ST6GALNAC3: variants seen among roughly 807,000 people sequenced by gnomAD.
ST6GALNAC3 encodes ST6 N-acetylgalactosaminide alpha-2,6-sialyltransferase 3.
Under a neutral mutation model 32.7 loss-of-function variants are expected in ST6GALNAC3, and 25 were observed. The ratio of observed to expected loss-of-function variants is 0.76; its 90% CI spans 0.56 to 1.07. The LOEUF is 1.07. Among genes scored for constraint, ST6GALNAC3 ranks in the 50% least tolerant of loss-of-function variants. The pLI, the probability that ST6GALNAC3 is intolerant of heterozygous loss-of-function variation, is 0.00. For missense variants in ST6GALNAC3, 355 were observed against 382.4 expected (o/e 0.93, Z 0.60); for synonymous variants, 129 against 133.1 (o/e 0.97, Z 0.21).
chr1:76,409,072 A>G (rs928252160), intron 2 of ST6GALNAC3, among the ~76,000 whole-genome samples: 9 of 152,146 alleles, frequency 5.9e-5, no homozygotes, highest in African/African-American at 2.2e-4. Context: ...AGGTTGAGGA[A>G]GGGTCTTAAA....
chr1:76,177,183 T>C (rs993709891), intron 1 of ST6GALNAC3, among the ~76,000 whole-genome samples: 1 of 152,226 alleles, frequency 6.6e-6, no homozygotes, highest in Non-Finnish European at 1.5e-5. Flanking sequence ...AAAAGTCTTT[T>C]AAGAGCCTTT....
At chr1:76,372,740 C>T (rs115390429) in intron 2 of ST6GALNAC3, among the ~76,000 whole-genome samples, 22 of 152,168 alleles carry the variant, frequency 1.4e-4, no homozygotes, top group Non-Finnish European at 2.9e-4. Flanking sequence ...TTCATCTTCT[C>T]CTATTATTTT....
chr1:76,366,275 T>G (rs1464816340), intron 2 of ST6GALNAC3, among the ~76,000 whole-genome samples: 1 of 152,176 alleles, frequency 6.6e-6, no homozygotes, highest in Admixed American at 6.5e-5. Flanking sequence ...GATCTTCTTT[T>G]AGAAACCTGA....
chr1:76,496,683 G>A (rs940252707), intron 3 of ST6GALNAC3, among the ~76,000 whole-genome samples: 1 of 152,134 alleles, frequency 6.6e-6, no homozygotes, highest in Non-Finnish European at 1.5e-5. Flanking sequence ...TTGCTTTCCT[G>A]TGGAGTAAGA....
At chr1:76,618,263 G>A (rs577324000) in intron 3 of ST6GALNAC3, among the ~76,000 whole-genome samples, 22 of 152,304 alleles carry the variant, frequency 1.4e-4, no homozygotes, top group Non-Finnish European at 2.5e-4. Flanking sequence ...TCCTTTGATG[G>A]CTGCTGTATC....
chr1:76,410,622 G>A (rs1361083005), intron 2 of ST6GALNAC3, among the ~76,000 whole-genome samples: 2 of 152,012 alleles, frequency 1.3e-5, no homozygotes, highest in African/African-American at 4.8e-5. Flanking sequence ...AGTTTTCACT[G>A]CTGAATTCTA....
chr1:76,145,058 G>A (rs143290267), intron 1 of ST6GALNAC3, among the ~76,000 whole-genome samples: 4 of 152,294 alleles, frequency 2.6e-5, no homozygotes, highest in Non-Finnish European at 4.4e-5. Context: ...AATCCTGAAC[G>A]TCAACCCAGG....
chr1:76,223,998 T>C (rs1655927404), intron 1 of ST6GALNAC3, among the ~76,000 whole-genome samples: 1 of 152,178 alleles, frequency 6.6e-6, no homozygotes, highest in Admixed American at 6.5e-5. Flanking sequence ...TAGAATATCC[T>C]AACTCTTTAG....
chr1:76,170,507 A>T (rs1000827305), intron 1 of ST6GALNAC3, among the ~76,000 whole-genome samples: 12 of 152,160 alleles, frequency 7.9e-5, no homozygotes, highest in Non-Finnish European at 1.0e-4. Flanking sequence ...AAAAATCTAT[A>T]TAAAGCTTTG....
chr1:76,323,086 TTGCTC>T, intron 2 of ST6GALNAC3, among the ~76,000 whole-genome samples: 1 of 152,176 alleles, frequency 6.6e-6, no homozygotes, highest in Non-Finnish European at 1.5e-5. Context: ...ATTTGAGTAT[TTGCTC>T]TGTTGTCTTC....
At chr1:76,341,650 T>TTTC (rs1648014711) in intron 2 of ST6GALNAC3, among the ~76,000 whole-genome samples, 1 of 144,630 alleles carries the variant, frequency 6.9e-6, no homozygotes, top group African/African-American at 2.7e-5. Context: ...TCTTTCTTTC[T>TTTC]TTCTTTCTTT....
chr1:76,261,943 G>A (rs113692653), intron 1 of ST6GALNAC3, among the ~76,000 whole-genome samples: 24 of 152,248 alleles, frequency 1.6e-4, no homozygotes, highest in African/African-American at 5.8e-4. Flanking sequence ...AACCTCCAGT[G>A]GTTTAAATAG....
chr1:76,306,324 A>G (rs1661049594), intron 1 of ST6GALNAC3, among the ~76,000 whole-genome samples: 1 of 151,996 alleles, frequency 6.6e-6, no homozygotes, highest in Admixed American at 6.6e-5. Context: ...GTAGGAACCA[A>G]CCTGATGGAA....
At chr1:76,599,462 C>T (rs894790328) in intron 3 of ST6GALNAC3, among the ~76,000 whole-genome samples, 2 of 151,760 alleles carry the variant, frequency 1.3e-5, no homozygotes, top group African/African-American at 2.4e-5. Flanking sequence ...CCCCACCCTC[C>T]GACAGGCCCC....
intron 3 of ST6GALNAC3, among the ~76,000 whole-genome samples, chr1:76,466,945 A>T (rs1437832852): frequency 6.6e-6 from 1 of 152,112 alleles, no homozygotes; most frequent in East Asian, 1.9e-4. Context: ...AAACAATAAG[A>T]TCTAAAAACT....
intron 3 of ST6GALNAC3, among the ~76,000 whole-genome samples, chr1:76,454,588 T>A (rs1264365057): frequency 1.3e-5 from 2 of 152,156 alleles, no homozygotes; most frequent in African/African-American, 2.4e-5. Flanking sequence ...GTTGTTTTGT[T>A]TAAGGAGACT....
intron 3 of ST6GALNAC3, among the ~76,000 whole-genome samples, chr1:76,436,019 T>C (rs1656118347): frequency 6.6e-6 from 1 of 152,054 alleles, no homozygotes; most frequent in African/African-American, 2.4e-5. Context: ...CCTCACTCCC[T>C]TCCCACCCTT....
At chr1:76,151,619 G>A (rs423152) in intron 1 of ST6GALNAC3, among the ~76,000 whole-genome samples, 16,006 of 152,280 alleles carry the variant, frequency 0.11, 1,110 homozygotes, top group Non-Finnish European at 0.15. Flanking sequence ...CACTGGGAAC[G>A]TCTGGGAAAG....
intron 2 of ST6GALNAC3, among the ~76,000 whole-genome samples, chr1:76,369,082 A>G (rs2101074079): frequency 6.6e-6 from 1 of 152,158 alleles, no homozygotes; most frequent in East Asian, 1.9e-4. Context: ...TTATCATCCT[A>G]GAGCCCAGAG....
Sources: gnomAD v4.1 joint callset for allele counts (sites outside exome capture counted in the v4.1 genomes callset) on GRCh38, gnomAD v4.1.1 for gene constraint, MANE v1.5 for transcripts, NCBI Gene and HGNC (gene_info 2026-07-23, HGNC 2026-07-21) for gene names.